Variants in FAM20B observed in about 807,000 individuals in gnomAD.
FAM20B encodes the protein glycosaminoglycan xylosylkinase.
In FAM20B, 23 loss-of-function variants were observed where a neutral mutation model predicts 43.8. That is an observed-to-expected ratio of 0.53 (90% CI 0.38 to 0.74). The LOEUF (loss-of-function observed/expected upper bound fraction) is 0.74, where lower values mean the gene tolerates loss of function less well. FAM20B is among the 30% of genes least tolerant of loss of function. The pLI, the probability that FAM20B is intolerant of heterozygous loss-of-function variation, is 0.00. For synonymous variants in FAM20B, 178 were observed against 192.4 expected (o/e 0.93, Z 0.62); for missense variants, 440 against 510.5 (o/e 0.86, Z 1.33).
chr1:179,054,691 T>A (rs1651138882), intron 4 of FAM20B, 53 bp downstream of exon 4: 1 of 1,153,462 alleles, frequency 8.7e-7, no homozygotes, highest in African/African-American at 1.5e-5. Flanking sequence ...TAAGTTAAAA[T>A]GGGGCATTGT....
At chr1:179,047,828 C>T (rs1650842883) in intron 2 of FAM20B, among the ~76,000 whole-genome samples, 1 of 152,156 alleles carries the variant, frequency 6.6e-6, no homozygotes, top group South Asian at 2.1e-4. Flanking sequence ...TGTCCTTCAG[C>T]AGAAGGATAG....
Position 179,076,279 on chromosome 1 carries a change from C to T in FAM20B, c.*4135C>T, listed in dbSNP as rs931083210. The T allele has an allele frequency of 6.6e-6, 1 of 152,144 alleles. No homozygotes were observed. The highest frequency in any genetic ancestry group is 2.4e-5 in the African/African-American group (1 of 41,418). 9.4% of individuals were successfully genotyped at this position (152,144 alleles called of 1,614,324 possible). On this transcript the variant is annotated 3_prime_UTR_variant, in exon 8 of 8. Transcript: ENST00000263733. ...GTGGTGACAAGGTAGGGGCTAGGTACTGGACTACCACAGGTTTTTAGGAAC... is the reference window on the plus strand; with the variant it reads ...GTGGTGACAAGGTAGGGGCTAGGTATTGGACTACCACAGGTTTTTAGGAAC...
chr1:179,048,003 G>C (rs924720407), intron 2 of FAM20B, among the ~76,000 whole-genome samples: 2 of 152,122 alleles, frequency 1.3e-5, no homozygotes, highest in East Asian at 3.9e-4. Context: ...AGAGATACAA[G>C]GTGTGTGCAG....
chr1:179,042,287 C>T (rs547972665), intron 1 of FAM20B, among the ~76,000 whole-genome samples: 15 of 152,246 alleles, frequency 9.9e-5, no homozygotes, highest in Non-Finnish European at 1.9e-4. Flanking sequence ...TGTACACAGC[C>T]ACGCACGCTG....
intron 3 of FAM20B, among the ~76,000 whole-genome samples, chr1:179,052,775 A>G (rs1016926578): frequency 2.0e-5 from 3 of 152,060 alleles, no homozygotes; most frequent in Non-Finnish European, 4.4e-5. Context: ...CCTTCTCCTC[A>G]CTTAATGGCA....
upstream of FAM20B, among the ~76,000 whole-genome samples, chr1:179,022,217 A>T (rs1649614929): frequency 6.6e-6 from 1 of 152,194 alleles, no homozygotes; most frequent in Non-Finnish European, 1.5e-5. Flanking sequence ...CAGAGAACAA[A>T]CCTGCCTGGG....
intron 2 of FAM20B, among the ~76,000 whole-genome samples, chr1:179,046,906 G>T (rs902472850): frequency 6.6e-6 from 1 of 151,840 alleles, no homozygotes; most frequent in South Asian, 2.1e-4. Context: ...TGAGGCAGGA[G>T]AATCGCTTGA....
At chr1:179,028,698 A>T (rs1041455351) in intron 1 of FAM20B, among the ~76,000 whole-genome samples, 2 of 152,266 alleles carry the variant, frequency 1.3e-5, no homozygotes, top group African/African-American at 4.8e-5. Flanking sequence ...GAACACAGTT[A>T]CAATGAGGCC....
chr1:179,046,208 T>G (rs566177907), intron 2 of FAM20B, among the ~76,000 whole-genome samples: 1 of 152,324 alleles, frequency 6.6e-6, no homozygotes, highest in African/African-American at 2.4e-5. Context: ...TCTAAGTTTG[T>G]TTGCTTCCCA....
In FAM20B at chr1:179,072,019, G is replaced by C; in HGVS notation, c.1105G>C (p.Asp369His). ...AHDPISPVLS[D>H]PHLDAVDQRL... is the part of the protein sequence containing the mutation. ...TGACCCCATCTCCCCAGTGCTCTCT[G>C]ATCCTCATCTGGACGCCGTGGACCA... The change falls in exon 8 of 8, where the codon GAT becomes CAT. Residue 369 changes from aspartate (D) to histidine (H), a missense_variant. Coordinates refer to ENST00000263733, the MANE Select transcript of FAM20B (RefSeq NM_014864.4). The C allele has an allele frequency of 6.2e-7, 1 of 1,614,124 alleles. No individual in the cohort carries two copies. The highest frequency in any genetic ancestry group is 8.5e-7 in the Non-Finnish European group (1 of 1,180,020).
At chr1:179,021,705 A>T (rs995525416), upstream of FAM20B, among the ~76,000 whole-genome samples, 3 of 152,220 alleles carry the variant, frequency 2.0e-5, no homozygotes, top group Non-Finnish European at 4.4e-5. Flanking sequence ...TTAAAGAACA[A>T]AATAAATAGG....
chr1:179,059,364 C>T (rs1354037034), intron 4 of FAM20B, among the ~76,000 whole-genome samples: 2 of 152,222 alleles, frequency 1.3e-5, no homozygotes, highest in Non-Finnish European at 2.9e-5. Context: ...TGGATTGCCT[C>T]ATTCACTCTT....
chr1:179,034,551 A>G (rs1013038789), intron 1 of FAM20B, among the ~76,000 whole-genome samples: 7 of 152,270 alleles, frequency 4.6e-5, no homozygotes, highest in African/African-American at 1.4e-4. Flanking sequence ...CCACCTCTTG[A>G]TAGGATAAAT....
chr1:179,025,365 A>G (rs1274498135), upstream of FAM20B, among the ~76,000 whole-genome samples: 1 of 152,236 alleles, frequency 6.6e-6, no homozygotes, highest in East Asian at 1.9e-4. Context: ...ATGAAGAGCC[A>G]TTTGCACTCA....
chr1:179,020,106 C>T, the FAM20B span, among the ~76,000 whole-genome samples: 2 of 151,978 alleles, frequency 1.3e-5, no homozygotes, highest in South Asian at 4.1e-4. Context: ...GACTAGATTT[C>T]AACCCATAGA....
At position 179,050,348 on chromosome 1, in the gene FAM20B, A is replaced by G; in HGVS notation, c.447A>G (p.Ala149=). 1 of 1,613,808 alleles carries G rather than the reference A, an allele frequency of 6.2e-7. No homozygotes were observed. Among genetic ancestry groups the G allele is most frequent in the Non-Finnish European group, 8.5e-7 (1 of 1,179,658 alleles). Residue 149 remains alanine, a synonymous_variant, in exon 3 of 8, where the codon GCA becomes GCG. Coordinates refer to ENST00000263733, the MANE Select transcript of FAM20B (RefSeq NM_014864.4). ...AGYDRHNAEV[A]AFHLDRILGF... ...ATGATAGACACAATGCAGAGGTAGC[A>G]GCCTTTCACTTGGACAGGTGCGTAT...
intron 4 of FAM20B, among the ~76,000 whole-genome samples, chr1:179,058,096 T>C (rs1651305992): frequency 6.6e-6 from 1 of 152,170 alleles, no homozygotes; most frequent in South Asian, 2.1e-4. Context: ...ACCAATAATA[T>C]TGAAGTATAA....
Position 179,071,091 on chromosome 1 carries a change from A to G in FAM20B, c.999-822A>G, listed in dbSNP as rs964096116. On this transcript the variant is annotated intron_variant, in intron 7 of 7. Transcript: ENST00000263733. ...GGGCGGATCACGAGGTCAGGAGATC[A>G]AGACCATCCTGGCTAACACGGTGAA... 2.6e-5 allele frequency among the ~76,000 whole-genome samples: 4 copies of G among 151,704 alleles called. No homozygotes were observed. The East Asian group carries it at 5.9e-4, about 23-fold the overall frequency.
chr1:179,061,796 A>G (rs1196512858), intron 4 of FAM20B, among the ~76,000 whole-genome samples: 1 of 152,118 alleles, frequency 6.6e-6, no homozygotes, highest in Non-Finnish European at 1.5e-5. Context: ...CTGCCTCCAC[A>G]CATTCATGTG....
Sources: allele counts gnomAD v4.1 joint callset (sites outside exome capture counted in the v4.1 genomes callset), GRCh38; gene constraint gnomAD v4.1.1; transcripts MANE v1.5; gene names NCBI Gene and HGNC (gene_info 2026-07-23, HGNC 2026-07-21).